The following EPHA4 variants were observed in gnomAD, a reference collection of about 807,000 sequenced individuals.
EPHA4 encodes EPH receptor A4.
Under a neutral mutation model 108.3 loss-of-function variants are expected in EPHA4, and 19 were observed. The ratio of observed to expected loss-of-function variants is 0.18; its 90% CI spans 0.12 to 0.26. EPHA4 has a LOEUF of 0.26. EPHA4 is among the 10% of genes least tolerant of loss of function. EPHA4 has a pLI of 1.00. For synonymous variants in EPHA4, 449 were observed against 455.5 expected, an observed-to-expected ratio of 0.99 and a Z score of 0.18; for missense variants, 917 against 1,254.0, an observed-to-expected ratio of 0.73 and a Z score of 4.06.
intron 3 of EPHA4, among the ~76,000 whole-genome samples, chr2:221,509,314 G>A (rs1410921538): frequency 1.6e-4 from 24 of 152,188 alleles, no homozygotes; most frequent in Admixed American, 1.6e-3. Flanking sequence ...GGCAACAAGA[G>A]CAAAACTCTG....
Position 221,446,154 on chromosome 2 carries a change from T to C in EPHA4, c.1743A>G (p.Gln581=). 1 of 1,555,134 alleles carries C rather than the reference T, an allele frequency of 6.4e-7. No homozygotes were observed. Among genetic ancestry groups the C allele is most frequent in the Non-Finnish European group, 8.7e-7 (1 of 1,153,682 alleles). Residue 581 remains glutamine (Q), a synonymous_variant, in exon 9 of 18, where the codon CAA becomes CAG. Coordinates refer to ENST00000281821, the MANE Select transcript of EPHA4 (RefSeq NM_004438.5). ...RRRSKYSKAK[Q]EADEEKHLNQ... is the part of the protein sequence containing the mutation. ...TCAAATGTTTCTCTTCATCCGCTTC[T>C]TGTTTGGCTTTACTGTATTTACTCC... is the stretch of plus-strand genomic sequence containing the variant.
At chr2:221,498,519 A>T (rs1692371791) in intron 4 of EPHA4, among the ~76,000 whole-genome samples, 1 of 152,230 alleles carries the variant, frequency 6.6e-6, no homozygotes, top group Admixed American at 6.5e-5. Flanking sequence ...GAAGAGTTCA[A>T]ACAAAAGTGG....
At chr2:221,562,321 T>C (rs560597731) in intron 3 of EPHA4, among the ~76,000 whole-genome samples, 33 of 152,142 alleles carry the variant, frequency 2.2e-4, no homozygotes, top group African/African-American at 7.7e-4. Flanking sequence ...GAAATAACTA[T>C]AGCTAAGCAG....
chr2:221,453,678 T>C (rs1261313532), intron 8 of EPHA4, among the ~76,000 whole-genome samples: 1 of 152,180 alleles, frequency 6.6e-6, no homozygotes. Context: ...AAATGAGAAT[T>C]TATTGTGGAT....
chr2:221,525,540 G>A (rs1410671593), intron 3 of EPHA4, among the ~76,000 whole-genome samples: 2 of 152,282 alleles, frequency 1.3e-5, no homozygotes, highest in South Asian at 2.1e-4. Context: ...TTAGACACAG[G>A]CTCGACAGTC....
intron 3 of EPHA4, among the ~76,000 whole-genome samples, chr2:221,560,322 T>C (rs911877529): frequency 1.3e-5 from 2 of 152,132 alleles, no homozygotes; most frequent in African/African-American, 2.4e-5. Context: ...CCAGTTTTCC[T>C]TTATATTCCT....
At chr2:221,504,155 A>G (rs1311640532) in intron 3 of EPHA4, among the ~76,000 whole-genome samples, 1 of 152,216 alleles carries the variant, frequency 6.6e-6, no homozygotes, top group East Asian at 1.9e-4. Flanking sequence ...TGAGCAAGAA[A>G]CTACTTCCTC....
chr2:221,511,790 C>T (rs1692840609), intron 3 of EPHA4, among the ~76,000 whole-genome samples: 1 of 152,192 alleles, frequency 6.6e-6, no homozygotes, highest in Non-Finnish European at 1.5e-5. Context: ...CCTATAATCA[C>T]AATAATTCCT....
intron 9 of EPHA4, among the ~76,000 whole-genome samples, chr2:221,444,741 T>C (rs1690535505): frequency 7.9e-6 from 1 of 126,078 alleles, no homozygotes; most frequent in Non-Finnish European, 1.6e-5. Context: ...TCTTTTTTTC[T>C]ATCTTTTTTT....
intron 14 of EPHA4, among the ~76,000 whole-genome samples, chr2:221,433,104 G>A (rs1440479072): frequency 8.5e-5 from 13 of 152,056 alleles, no homozygotes; most frequent in African/African-American, 2.4e-4. Context: ...GATTACAGGC[G>A]TGAGCCACAG....
intron 5 of EPHA4, among the ~76,000 whole-genome samples, chr2:221,472,569 G>T (rs1390216051): frequency 6.6e-6 from 1 of 152,040 alleles, no homozygotes; most frequent in Non-Finnish European, 1.5e-5. Context: ...TCCTAGACAA[G>T]AATTTTTAAA....
At chr2:221,505,407 C>A (rs1427607702) in intron 3 of EPHA4, among the ~76,000 whole-genome samples, 1 of 152,016 alleles carries the variant, frequency 6.6e-6, no homozygotes, top group Admixed American at 6.6e-5. Context: ...CTCACTGCAA[C>A]CTCCGCCTTC....
intron 11 of EPHA4, among the ~76,000 whole-genome samples, chr2:221,440,744 T>C (rs373403238): frequency 8.4e-4 from 128 of 152,300 alleles, no homozygotes; most frequent in African/African-American, 2.9e-3. Flanking sequence ...AAGTATTCTA[T>C]TTCATCCCCA....
intron 2 of EPHA4, among the ~76,000 whole-genome samples, chr2:221,568,473 CTG>C (rs1385511551): frequency 6.6e-6 from 1 of 152,208 alleles, no homozygotes; most frequent in African/African-American, 2.4e-5. Flanking sequence ...GCATCTAAGT[CTG>C]TGCCTCCACC....
chr2:221,458,335 T>C (rs1691027206), intron 5 of EPHA4, among the ~76,000 whole-genome samples: 1 of 152,214 alleles, frequency 6.6e-6, no homozygotes, highest in Admixed American at 6.5e-5. Context: ...TAACAGCCTT[T>C]GGAAGACCTC....
At chr2:221,438,097 G>A (rs1690302599) in intron 11 of EPHA4, among the ~76,000 whole-genome samples, 2 of 151,994 alleles carry the variant, frequency 1.3e-5, no homozygotes, top group African/African-American at 2.4e-5. Context: ...ACAGTCACAG[G>A]AAAGGTTCAG....
At position 221,455,491 on chromosome 2, in the gene EPHA4, CCAT is replaced by C. The variant is rs1574577737; in HGVS notation, c.1715+53_1715+55del. The C allele has an allele frequency of 7.3e-6, 10 of 1,364,570 alleles. No individual in the cohort carries two copies. The East Asian group carries it at 2.3e-4, about 32-fold the overall frequency. 84.5% of individuals were successfully genotyped at this position (1,364,570 alleles called of 1,614,324 possible). A position where few individuals can be genotyped will look rare whatever the true frequency, so the allele number is the denominator to read the frequency against. ...TAGCTTTGTGTGGAAGAGAAAAAAA[CCAT>C]CATAAACACTGGGAAGGTCGGGGGC... On this transcript the variant is annotated intron_variant, in intron 8 of 17. Transcript: ENST00000281821.
chr2:221,464,445 T>G (rs529160190), intron 5 of EPHA4, among the ~76,000 whole-genome samples: 1 of 152,176 alleles, frequency 6.6e-6, no homozygotes, highest in African/African-American at 2.4e-5. Flanking sequence ...GGGTTTCGCG[T>G]CTCTGAGATG....
chr2:221,501,190 AAAAC>A lies in EPHA4; in HGVS notation c.824-22_824-19del, dbSNP rs757270315. On this transcript the variant is annotated intron_variant, in intron 3 of 17. Coordinates refer to ENST00000281821, the MANE Select transcript of EPHA4 (RefSeq NM_004438.5). ...TTTGCAAGCTGCAGGGAAGAAGAAA[AAAAC>A]AAACAAATAGAAACCACTGCAAATA... The A allele has an allele frequency of 1.2e-5, 19 of 1,553,406 alleles. No individual in the cohort carries two copies. Among genetic ancestry groups the A allele is most frequent in the Middle Eastern group, 1.7e-4 (1 of 5,782 alleles).
Sources: allele counts gnomAD v4.1 joint callset (sites outside exome capture counted in the v4.1 genomes callset), GRCh38; gene constraint gnomAD v4.1.1; transcripts MANE v1.5; gene names NCBI Gene and HGNC (gene_info 2026-07-23, HGNC 2026-07-21).